UNC119B: variants seen among roughly 807,000 people sequenced by gnomAD.
UNC119B encodes unc-119 lipid binding chaperone B, also known as protein unc-119 homolog B.
UNC119B carries 16 observed loss-of-function variants against 23.4 expected under a neutral mutation model. The observed-to-expected ratio is 0.68, with a 90% CI of 0.46 to 1.04. UNC119B has a LOEUF of 1.04. Ranked by LOEUF, UNC119B falls within the 50% of genes least tolerant of loss-of-function variation. The probability of loss-of-function intolerance (pLI) is 0.00; values close to 1 mark genes in which losing one functional copy is unlikely to be tolerated. For missense variants in UNC119B, 350 were observed against 361.3 expected (o/e 0.97, Z 0.25); for synonymous variants, 144 against 145.4 (o/e 0.99, Z 0.07).
chr12:120,713,936 C>G (rs1382020127), intron 2 of UNC119B, among the ~76,000 whole-genome samples: 2 of 152,158 alleles, frequency 1.3e-5, no homozygotes, highest in African/African-American at 4.8e-5. Flanking sequence ...TAATCTCAAC[C>G]ATTTTCTGGA....
chr12:120,710,992 T>C, intron 1 of UNC119B: 1 of 287,226 alleles, frequency 3.5e-6, no homozygotes, highest in East Asian at 6.0e-5. Flanking sequence ...CTGCCGGACC[T>C]GTTTGGGTAG....
At chr12:120,719,080 A>T (rs6490302) in intron 4 of UNC119B, among the ~76,000 whole-genome samples, 14,976 of 152,272 alleles carry the variant, frequency 0.098, 1,898 homozygotes, top group African/African-American at 0.29. Flanking sequence ...AAAGAACTTT[A>T]AAAAATCAGT....
Position 120,716,749 on chromosome 12 carries a change from A to G in UNC119B, c.470+10A>G, listed in dbSNP as rs374682211. The G allele has an allele frequency of 5.3e-5, 85 of 1,613,158 alleles. No homozygotes were observed. Among genetic ancestry groups the G allele is most frequent in the Non-Finnish European group, 7.0e-5 (83 of 1,179,224 alleles). On this transcript the variant is annotated intron_variant, in intron 3 of 4. Transcript: ENST00000344651. ...GGACAGTCGGGGCTACGTGAGTACC[A>G]TTACTACCTGAGGGGAGAACATTCT... is the stretch of plus-strand genomic sequence containing the variant.
chr12:120,716,800 C>T (rs748452348), intron 3 of UNC119B, 61 bp downstream of exon 3: 75 of 1,605,258 alleles, frequency 4.7e-5, no homozygotes, highest in Middle Eastern at 3.3e-4. Context: ...AGAGTGTTTT[C>T]GGTTGGGTTT....
Position 120,719,960 on chromosome 12 carries a change from C to G in UNC119B, c.684C>G (p.Asp228Glu), listed in dbSNP as rs1882856648. The G allele has an allele frequency of 1.2e-6, 2 of 1,614,196 alleles. No individual in the cohort carries two copies. Among genetic ancestry groups the G allele is most frequent in the Middle Eastern group, 3.3e-4 (2 of 6,062 alleles). ...AAAATCCTTACGAGACCCGCTCTGA[C>G]AGCTTCTACTTTGTTGACAACAAGC... is the stretch of plus-strand genomic sequence containing the variant. ...MIENPYETRS[D>E]SFYFVDNKLI... The change falls in exon 5 of 5, where the codon GAC becomes GAG. Residue 228 changes from aspartate to glutamate, a missense_variant. By Grantham distance (45) the Asp-to-Glu change is conservative (BLOSUM62 2). Transcript: ENST00000344651.
chr12:120,713,133 T>C, intron 1 of UNC119B, 141 bp from the exon 2 acceptor site: 1 of 577,054 alleles, frequency 1.7e-6, no homozygotes, highest in East Asian at 2.9e-5. Flanking sequence ...CTGCTGGTGA[T>C]AACACATGAG....
chr12:120,717,770 G>A (rs1300414597), intron 4 of UNC119B, among the ~76,000 whole-genome samples: 1 of 151,340 alleles, frequency 6.6e-6, no homozygotes, highest in East Asian at 1.9e-4. Flanking sequence ...CACCATGTTG[G>A]TCAGGCTGGT....
chr12:120,719,045 G>A (rs780297874), intron 4 of UNC119B, among the ~76,000 whole-genome samples: 1 of 152,236 alleles, frequency 6.6e-6, no homozygotes, highest in Admixed American at 6.5e-5. Context: ...CATATAAACC[G>A]AGTAGTTTTG....
At position 120,710,526 on chromosome 12, in the gene UNC119B, G is replaced by C. The variant is rs767092881; in HGVS notation, c.52G>C (p.Gly18Arg). ...GGCCGCGGCGTCGGCGGCTGGGCCC[G>C]GGGGGCTGGTGGCTGGCAAGGAGGA... ...AAAAASAAGP[G>R]GLVAGKEEKK... The change falls in exon 1 of 5, where the codon GGG becomes CGG. Residue 18 changes from glycine (G) to arginine (R), a missense_variant. Coordinates refer to ENST00000344651, the MANE Select transcript of UNC119B (RefSeq NM_001080533.3). 2.5e-5 allele frequency: 34 copies of C among 1,369,540 alleles called. No individual in the cohort carries two copies. The highest frequency in any genetic ancestry group is 5.3e-4 in the Middle Eastern group (2 of 3,808). The allele number at this position is 1,369,540 out of a possible 1,614,324, so 84.8% of individuals were successfully genotyped here.
intron 3 of UNC119B, 49 bp from the exon 4 acceptor site, chr12:120,716,821 T>C: frequency 6.2e-7 from 1 of 1,605,614 alleles, no homozygotes; most frequent in Non-Finnish European, 8.5e-7. Context: ...TGGGTTGGCT[T>C]TAGAGGAGGG....
rs181635739 is a variant in UNC119B, at chr12:120,713,903, G to T, written c.358+516G>T. Among the ~76,000 whole-genome samples the T allele has an allele frequency of 1.1e-3, 173 of 152,284 alleles. 1 individual carries two copies. Among genetic ancestry groups the T allele is most frequent in the African/African-American group, 3.8e-3 (159 of 41,542 alleles). On this transcript the variant is annotated intron_variant, in intron 2 of 4. Coordinates refer to ENST00000344651, the MANE Select transcript of UNC119B (RefSeq NM_001080533.3). ...GCTCTCTTTTACATATTGCCTTGGA[G>T]TTCCCAGACCTAGTTTGGATTTTAA...
At chr12:120,717,471 C>G (rs1412625625) in intron 4 of UNC119B, among the ~76,000 whole-genome samples, 1 of 152,036 alleles carries the variant, frequency 6.6e-6, no homozygotes, top group African/African-American at 2.4e-5. Flanking sequence ...GTTGGTCAGG[C>G]TGGTCTCGAA....
chr12:120,715,930 C>T (rs1035282159), intron 2 of UNC119B, among the ~76,000 whole-genome samples: 5 of 152,214 alleles, frequency 3.3e-5, no homozygotes, highest in African/African-American at 1.2e-4. Context: ...ATCTGCTTCA[C>T]CCTTTCCCAG....
chr12:120,714,267 C>A (rs1401201566), intron 2 of UNC119B, among the ~76,000 whole-genome samples: 1 of 152,038 alleles, frequency 6.6e-6, no homozygotes, highest in Non-Finnish European at 1.5e-5. Context: ...GACCAAGGCA[C>A]CTAAAGGCTC....
In UNC119B at chr12:120,713,321, C is replaced by A; in HGVS notation, c.292C>A (p.Arg98Ser). 2 of 1,614,062 alleles carry A rather than the reference C, an allele frequency of 1.2e-6. No individual in the cohort carries two copies. The highest frequency in any genetic ancestry group is 1.1e-5 in the South Asian group (1 of 91,078). ...EDNIYSIDFT[R>S]FKIRDLETGT... ...CAACATCTACAGTATTGATTTCACC[C>A]GCTTCAAAATTCGAGATTTGGAGAC... Residue 98 changes from arginine to serine, a missense_variant, in exon 2 of 5, where the codon CGC becomes AGC. Transcript: ENST00000344651.
At chr12:120,719,776 C>T (rs1882850138) in intron 4 of UNC119B, 144 bp from the exon 5 acceptor site, 4 of 629,772 alleles carry the variant, frequency 6.4e-6, no homozygotes, top group Non-Finnish European at 8.5e-6. Flanking sequence ...TCCCTCTGTT[C>T]TGACCTCATC....
In UNC119B at chr12:120,717,121, C is replaced by T. The variant is rs1054173024; in HGVS notation, c.643+79C>T. ...AAACCTTGAAACCCATCTGGTCCAG[C>T]GCCCTGGCATTGTCTCGTGGCAGTG... On this transcript the variant is annotated intron_variant, in intron 4 of 4. Coordinates refer to ENST00000344651, the MANE Select transcript of UNC119B (RefSeq NM_001080533.3). The T allele has an allele frequency of 1.6e-5, 22 of 1,415,096 alleles. No individual in the cohort carries two copies. In the African/African-American group the frequency reaches 2.1e-4, roughly 14 times the overall value. 87.7% of individuals were successfully genotyped at this position (1,415,096 alleles called of 1,614,324 possible). A position where few individuals can be genotyped will look rare whatever the true frequency, so the allele number is the denominator to read the frequency against.
chr12:120,710,574 G>A lies in UNC119B; in HGVS notation c.100G>A (p.Val34Ile), dbSNP rs755153015. The change falls in exon 1 of 5, where the codon GTC (valine) becomes ATC (isoleucine). Residue 34 changes from valine (V) to isoleucine (I), a missense_variant. Transcript: ENST00000344651. ...KEEKKKAGGG[V>I]LNRLKARRQA... Reference sequence around the variant, plus strand: ...GGAGAAGAAGAAGGCGGGCGGCGGCGTCCTGAACCGCCTGAAGGCGCGGCG... The same window carrying A: ...GGAGAAGAAGAAGGCGGGCGGCGGCATCCTGAACCGCCTGAAGGCGCGGCG... 7.1e-7 allele frequency: 1 copy of A among 1,415,526 alleles called. No homozygotes were observed. Among genetic ancestry groups the A allele is most frequent in the South Asian group, 1.5e-5 (1 of 68,442 alleles). The allele number at this position is 1,415,526 out of a possible 1,614,324, so 87.7% of individuals were successfully genotyped here.
At chr12:120,716,835 A>C (rs908246429) in intron 3 of UNC119B, 35 bp from the exon 4 acceptor site, 28 of 1,604,956 alleles carry the variant, frequency 1.7e-5, no homozygotes, top group Non-Finnish European at 2.3e-5. Context: ...AGGAGGGAGG[A>C]GGCAAAGTCG....
Sources: gnomAD v4.1 joint callset for allele counts (sites outside exome capture counted in the v4.1 genomes callset) on GRCh38, gnomAD v4.1.1 for gene constraint, MANE v1.5 for transcripts, NCBI Gene and HGNC (gene_info 2026-07-23, HGNC 2026-07-21) for gene names.